ELF2: variants seen among roughly 807,000 people sequenced by gnomAD.
ELF2 encodes E74 like ETS transcription factor 2.
Under a neutral mutation model 54.8 loss-of-function variants are expected in ELF2, and 11 were observed. The ratio of observed to expected loss-of-function variants is 0.20; its 90% CI spans 0.13 to 0.33. ELF2 has a LOEUF of 0.33. Among genes scored for constraint, ELF2 ranks in the 10% least tolerant of loss-of-function variants. ELF2 has a pLI of 1.00. For missense variants in ELF2, 513 were observed against 703.0 expected (o/e 0.73, Z 3.06); for synonymous variants, 203 against 245.1 (o/e 0.83, Z 1.61).
At chr4:139,093,834 T>C (rs191157343) in intron 4 of ELF2, among the ~76,000 whole-genome samples, 122 of 151,866 alleles carry the variant, frequency 8.0e-4, no homozygotes, top group Non-Finnish European at 1.0e-3. Context: ...GGGATGGCCA[T>C]TAATATTACT....
chr4:139,125,292 A>G lies in ELF2; in HGVS notation c.110T>C (p.Val37Ala). Residue 37 changes from valine (V) to alanine (A), a missense_variant, in exon 4 of 10, where the codon GTG becomes GCG. Around this residue, in one of 3 missense-constraint regions of ELF2, gnomAD observed 203 missense variants for 245.9 expected, o/e 0.83. Transcript: ENST00000686138. The part of the protein sequence containing the change: ...EKVSEYPAVI[V>A]EPVPSARLEQ... ...TAATCTGGCACTTGGAACTGGCTCC[A>G]CAATCACTGCTGGATATTCAGAAAC... 1 of 1,613,608 alleles carries G rather than the reference A, an allele frequency of 6.2e-7. No homozygotes were observed. The highest frequency in any genetic ancestry group is 1.3e-5 in the African/African-American group (1 of 75,012).
chr4:139,174,210 A>C (rs1275199896), intron 1 of ELF2, among the ~76,000 whole-genome samples: 1 of 150,394 alleles, frequency 6.6e-6, no homozygotes, highest in Non-Finnish European at 1.5e-5. Flanking sequence ...CCATCTTAAA[A>C]AAAAAAAAAA....
chr4:139,159,653 A>G (rs558324700), intron 1 of ELF2, among the ~76,000 whole-genome samples: 39 of 151,860 alleles, frequency 2.6e-4, no homozygotes, highest in Non-Finnish European at 5.2e-4. Context: ...TTGTCCTGAA[A>G]TGATGGGATC....
chr4:139,109,139 T>C (rs1341863405), intron 4 of ELF2, among the ~76,000 whole-genome samples: 1 of 152,148 alleles, frequency 6.6e-6, no homozygotes, highest in Non-Finnish European at 1.5e-5. Context: ...ATTTTTTTTT[T>C]CAGGAAGATG....
chr4:139,167,750 T>A (rs947003009), intron 1 of ELF2, among the ~76,000 whole-genome samples: 1 of 152,200 alleles, frequency 6.6e-6, no homozygotes, highest in African/African-American at 2.4e-5. Context: ...GGGACAAGTC[T>A]GGTACTCGAA....
In ELF2 at chr4:139,137,867, C is replaced by A; in HGVS notation, c.-166G>T. The A allele has an allele frequency of 1.5e-6, 2 of 1,295,218 alleles. No homozygotes were observed. Among genetic ancestry groups the A allele is most frequent in the Non-Finnish European group, 2.0e-6 (2 of 1,021,600 alleles). 80.2% of individuals were successfully genotyped at this position (1,295,218 alleles called of 1,614,324 possible). ...CTTCTAAAGATGATTAACCAGAAAG[C>A]CTAAAAAGAGGAAGAATTTGAAAAG... is the stretch of plus-strand genomic sequence containing the variant. On this transcript the variant is annotated splice_region_variant and 5_prime_UTR_variant, in exon 3 of 10. Coordinates refer to ENST00000686138, the MANE Select transcript of ELF2 (RefSeq NM_001331036.3).
At chr4:139,107,800 C>T (rs953954981) in intron 4 of ELF2, among the ~76,000 whole-genome samples, 2 of 152,126 alleles carry the variant, frequency 1.3e-5, no homozygotes, top group African/African-American at 4.8e-5. Flanking sequence ...CATAACAACT[C>T]TCACAAGTAT....
chr4:139,169,726 G>A (rs917577532), intron 1 of ELF2, among the ~76,000 whole-genome samples: 2 of 151,848 alleles, frequency 1.3e-5, no homozygotes, highest in Non-Finnish European at 2.9e-5. Context: ...GCATGGTGGC[G>A]GGCGCCTATA....
In ELF2 at chr4:139,071,894, A is replaced by G; in HGVS notation, c.498T>C (p.Asp166=). The G allele has an allele frequency of 6.2e-7, 1 of 1,604,544 alleles. No individual in the cohort carries two copies. The highest frequency in any genetic ancestry group is 8.5e-7 in the Non-Finnish European group (1 of 1,178,040). ...TTTTCTTTTTCATTGGTTCATGGCT[A>G]TCTGGTGATGTTGGAATAGGAGAGG... ...MDTSPIPTSP[D]SHEPMKKKKV... The change falls in exon 6 of 10, where the codon GAT becomes GAC. Residue 166 remains aspartate (D), a synonymous_variant. Coordinates refer to ENST00000686138, the MANE Select transcript of ELF2 (RefSeq NM_001331036.3).
chr4:139,062,092 AT>A, intron 7 of ELF2, 35 bp from the exon 8 acceptor site: 1 of 1,560,232 alleles, frequency 6.4e-7, no homozygotes, highest in Non-Finnish European at 8.8e-7. Flanking sequence ...ATTAAAATTC[AT>A]TAACATAATT....
At chr4:139,078,383 T>A (rs1006020513) in intron 4 of ELF2, among the ~76,000 whole-genome samples, 4 of 152,118 alleles carry the variant, frequency 2.6e-5, no homozygotes, top group African/African-American at 9.7e-5. Flanking sequence ...AGCACCCGAT[T>A]TACCACTACT....
At chr4:139,174,217 AAAAAAG>A (rs924111684) in intron 1 of ELF2, among the ~76,000 whole-genome samples, 1 of 150,362 alleles carries the variant, frequency 6.7e-6, no homozygotes, top group African/African-American at 2.5e-5. Context: ...AAAAAAAAAA[AAAAAAG>A]AAAGAAAGAA....
At chr4:139,140,731 G>A in intron 1 of ELF2, among the ~76,000 whole-genome samples, 1 of 151,282 alleles carries the variant, frequency 6.6e-6, no homozygotes, top group East Asian at 1.9e-4. Context: ...TCAAGCCTGG[G>A]TGACAGAGCA....
intron 4 of ELF2, among the ~76,000 whole-genome samples, chr4:139,085,025 T>A (rs1731822183): frequency 1.3e-5 from 2 of 152,224 alleles, no homozygotes; most frequent in South Asian, 4.1e-4. Context: ...AATATGCTAA[T>A]CATGAAATTC....
intron 4 of ELF2, among the ~76,000 whole-genome samples, chr4:139,097,493 C>G (rs530993790): frequency 6.6e-6 from 1 of 151,672 alleles, no homozygotes; most frequent in African/African-American, 2.4e-5. Context: ...AGCATATGCC[C>G]GTAATCCCAG....
intron 4 of ELF2, among the ~76,000 whole-genome samples, chr4:139,083,541 G>A (rs1731475923): frequency 6.6e-6 from 1 of 152,204 alleles, no homozygotes; most frequent in South Asian, 2.1e-4. Flanking sequence ...GCGGAGGAGG[G>A]AGGGTCAGAG....
At chr4:139,101,342 C>T (rs551350882) in intron 4 of ELF2, among the ~76,000 whole-genome samples, 1 of 152,212 alleles carries the variant, frequency 6.6e-6, no homozygotes, top group Non-Finnish European at 1.5e-5. Flanking sequence ...GGTAACCCCA[C>T]TAATGGTCTC....
intron 4 of ELF2, among the ~76,000 whole-genome samples, chr4:139,081,085 A>G (rs531556350): frequency 9.2e-5 from 14 of 152,282 alleles, no homozygotes; most frequent in African/African-American, 3.4e-4. Flanking sequence ...AAAGATGTTA[A>G]GTCACTAGCT....
chr4:139,170,459 T>C (rs1028467363), intron 1 of ELF2, among the ~76,000 whole-genome samples: 1 of 151,382 alleles, frequency 6.6e-6, no homozygotes, highest in African/African-American at 2.4e-5. Flanking sequence ...AGATGGGGTT[T>C]CACCATGTTG....
Sources: allele counts gnomAD v4.1 joint callset (sites outside exome capture counted in the v4.1 genomes callset), GRCh38; gene constraint gnomAD v4.1.1; regional missense constraint gnomAD v4.1.1; transcripts MANE v1.5; gene names NCBI Gene and HGNC (gene_info 2026-07-23, HGNC 2026-07-21).